The following GALNT7 variants were observed in gnomAD, a reference collection of about 807,000 sequenced individuals.
GALNT7 encodes polypeptide N-acetylgalactosaminyltransferase 7.
GALNT7 carries 60 observed loss-of-function variants against 82.1 expected under a neutral mutation model. The observed-to-expected ratio is 0.73, with a 90% confidence interval of 0.59 to 0.91. The LOEUF is 0.91. Among genes scored for constraint, GALNT7 ranks in the 40% least tolerant of loss-of-function variants. GALNT7 has a pLI of 0.00. For synonymous variants in GALNT7, 243 were observed against 275.1 expected, an observed-to-expected ratio of 0.88 and a Z score of 1.15; for missense variants, 660 against 804.2, an observed-to-expected ratio of 0.82 and a Z score of 2.17.
chr4:173,260,149 T>C (rs908343849), intron 2 of GALNT7, among the ~76,000 whole-genome samples: 6 of 152,232 alleles, frequency 3.9e-5, no homozygotes, highest in Non-Finnish European at 8.8e-5. Context: ...GTAAAGTACG[T>C]AACAATACTA....
chr4:173,206,845 A>G (rs1733114959), intron 1 of GALNT7, among the ~76,000 whole-genome samples: 2 of 152,128 alleles, frequency 1.3e-5, no homozygotes, highest in East Asian at 1.9e-4. Flanking sequence ...AGATTTACCA[A>G]ACTGCCATGA....
chr4:173,297,610 C>G (rs1736764325), intron 5 of GALNT7, among the ~76,000 whole-genome samples: 1 of 152,214 alleles, frequency 6.6e-6, no homozygotes, highest in Non-Finnish European at 1.5e-5. Flanking sequence ...GAAGTCTCCT[C>G]TCTCCTGCCC....
chr4:173,231,529 A>G (rs568842855), intron 1 of GALNT7, among the ~76,000 whole-genome samples: 3 of 152,324 alleles, frequency 2.0e-5, no homozygotes, highest in African/African-American at 7.2e-5. Context: ...TTAATGATGT[A>G]TGATCTCCTC....
intron 1 of GALNT7, among the ~76,000 whole-genome samples, chr4:173,191,814 T>A (rs1055318482): frequency 6.6e-6 from 1 of 152,338 alleles, no homozygotes; most frequent in Admixed American, 6.5e-5. Flanking sequence ...CTTTGTTGAA[T>A]TTGTTTGTTT....
intron 1 of GALNT7, among the ~76,000 whole-genome samples, chr4:173,201,870 T>C (rs1293611728): frequency 1.3e-5 from 2 of 152,230 alleles, no homozygotes; most frequent in African/African-American, 2.4e-5. Context: ...CAGATCTTTA[T>C]GTCTCTTAGA....
chr4:173,251,224 G>C (rs1734835995), intron 2 of GALNT7, among the ~76,000 whole-genome samples: 1 of 152,172 alleles, frequency 6.6e-6, no homozygotes, highest in Non-Finnish European at 1.5e-5. Context: ...GCCATCACTA[G>C]ATGTGAGATC....
intron 3 of GALNT7, among the ~76,000 whole-genome samples, chr4:173,295,153 C>T (rs544558083): frequency 3.7e-4 from 56 of 152,232 alleles, no homozygotes; most frequent in Non-Finnish European, 6.8e-4. Flanking sequence ...ACTGTCAATT[C>T]GAATAATCAT....
chr4:173,203,392 G>C (rs953198301), intron 1 of GALNT7, among the ~76,000 whole-genome samples: 1 of 152,202 alleles, frequency 6.6e-6, no homozygotes, highest in African/African-American at 2.4e-5. Flanking sequence ...TGCCCAGCCA[G>C]GTCTTGTTTT....
At chr4:173,283,081 C>T (rs1029425482) in intron 2 of GALNT7, among the ~76,000 whole-genome samples, 3 of 152,176 alleles carry the variant, frequency 2.0e-5, no homozygotes, top group African/African-American at 7.2e-5. Flanking sequence ...CAGGGTTAGT[C>T]TAAAATGTAG....
At chr4:173,231,003 A>G (rs148650796) in intron 1 of GALNT7, among the ~76,000 whole-genome samples, 211 of 152,332 alleles carry the variant, frequency 1.4e-3, no homozygotes, top group African/African-American at 5.0e-3. Flanking sequence ...CAAAAAGGCA[A>G]GAGTATTCAT....
intron 2 of GALNT7, among the ~76,000 whole-genome samples, chr4:173,249,348 C>G (rs550373208): frequency 6.6e-6 from 1 of 152,314 alleles, no homozygotes; most frequent in South Asian, 2.1e-4. Context: ...CACCTATTCA[C>G]CAGCATTCTT....
intron 1 of GALNT7, among the ~76,000 whole-genome samples, chr4:173,177,277 A>G (rs577121015): frequency 6.6e-6 from 1 of 152,302 alleles, no homozygotes; most frequent in East Asian, 1.9e-4. Context: ...GTGCCAGTCT[A>G]GAGGTTATAT....
chr4:173,227,441 C>G (rs1319741594), intron 1 of GALNT7, among the ~76,000 whole-genome samples: 1 of 152,218 alleles, frequency 6.6e-6, no homozygotes, highest in Non-Finnish European at 1.5e-5. Flanking sequence ...ACGCCATTCT[C>G]CTGCCTCAGC....
At chr4:173,238,880 A>G (rs977029884) in intron 1 of GALNT7, among the ~76,000 whole-genome samples, 2 of 152,184 alleles carry the variant, frequency 1.3e-5, no homozygotes, top group African/African-American at 4.8e-5. Context: ...CTCCAATTAA[A>G]CAGTCTTAAG....
chr4:173,216,727 A>ATATATATATATATATATATATATT (rs71244915), intron 1 of GALNT7, among the ~76,000 whole-genome samples: 3 of 12,978 alleles, frequency 2.3e-4, no homozygotes, highest in African/African-American at 8.4e-4. Flanking sequence ...ATATATATAT[A>ATATATATATATATATATATATATT]TTTTTTTTTT....
At chr4:173,173,599 G>A (rs1223441906) in intron 1 of GALNT7, among the ~76,000 whole-genome samples, 1 of 152,140 alleles carries the variant, frequency 6.6e-6, no homozygotes, top group African/African-American at 2.4e-5. Flanking sequence ...TTAGGTATTA[G>A]ATTCTCATAA....
intron 2 of GALNT7, among the ~76,000 whole-genome samples, chr4:173,259,031 A>C (rs561942080): frequency 6.6e-6 from 1 of 152,184 alleles, no homozygotes; most frequent in Non-Finnish European, 1.5e-5. Context: ...TCTACCCACT[A>C]GATGTCAGGA....
At chr4:173,186,319 ACAC>A (rs1395174469) in intron 1 of GALNT7, among the ~76,000 whole-genome samples, 6 of 152,244 alleles carry the variant, frequency 3.9e-5, no homozygotes, top group Admixed American at 3.9e-4. Context: ...TAGTAAAAGT[ACAC>A]ATGGACTCTG....
intron 1 of GALNT7, among the ~76,000 whole-genome samples, chr4:173,207,045 G>A (rs924055644): frequency 2.0e-5 from 3 of 152,162 alleles, no homozygotes; most frequent in South Asian, 2.1e-4. Context: ...TCCAACAAGC[G>A]GACTCTATAT....
Sources: gnomAD v4.1 joint callset for allele counts (sites outside exome capture counted in the v4.1 genomes callset) on GRCh38, gnomAD v4.1.1 for gene constraint, MANE v1.5 for transcripts, NCBI Gene and HGNC (gene_info 2026-07-23, HGNC 2026-07-21) for gene names.